The following CNOT1 variants were observed in gnomAD, a reference collection of about 807,000 sequenced individuals.
CNOT1 encodes CCR4-NOT transcription complex subunit 1, also known as CCR4-associated factor 1.
In CNOT1, 15 loss-of-function variants were observed where a neutral mutation model predicts 273.8. That is an observed-to-expected ratio of 0.05 (90% CI 0.04 to 0.08). CNOT1 has a LOEUF of 0.08. CNOT1 is among the 10% of genes least tolerant of loss of function. The probability of loss-of-function intolerance (pLI) is 1.00; values close to 1 mark genes in which losing one functional copy is unlikely to be tolerated. For synonymous variants in CNOT1, 1,022 were observed against 1,005.5 expected, an observed-to-expected ratio of 1.02 and a Z score of -0.31; for missense variants, 1,644 against 2,912.2, an observed-to-expected ratio of 0.56 and a Z score of 10.02.
At position 58,520,609 on chromosome 16, in the gene CNOT1, A is replaced by C. The variant is rs2039337264; in HGVS notation, c.*349T>G. On this transcript the variant is annotated 3_prime_UTR_variant, in exon 49 of 49. Coordinates refer to ENST00000317147, the MANE Select transcript of CNOT1 (RefSeq NM_016284.5). Reference sequence around the variant, plus strand: ...CTATGCCCTCAGACAAGTGCATGGCATCAGCTGCCTCTTCATTACAAGGTA... The same window carrying C: ...CTATGCCCTCAGACAAGTGCATGGCCTCAGCTGCCTCTTCATTACAAGGTA... 3.8e-6 allele frequency: 1 copy of C among 262,880 alleles called. No homozygotes were observed. Among genetic ancestry groups the C allele is most frequent in the Non-Finnish European group, 7.4e-6 (1 of 134,234 alleles). The allele number at this position is 262,880 out of a possible 1,614,324, so 16.3% of individuals were successfully genotyped here. A position where few individuals can be genotyped will look rare whatever the true frequency, so the allele number is the denominator to read the frequency against.
chr16:58,577,953 A>G (rs2041518413), intron 13 of CNOT1, among the ~76,000 whole-genome samples: 2 of 152,214 alleles, frequency 1.3e-5, no homozygotes, highest in Admixed American at 6.5e-5. Flanking sequence ...GGGGCTTGAA[A>G]GGCATTTCAG....
At chr16:58,583,244 CTGGCATTAAATGA>C in intron 8 of CNOT1, 62 bp from the exon 9 acceptor site, 2 of 1,591,250 alleles carry the variant, frequency 1.3e-6, no homozygotes, top group Non-Finnish European at 1.7e-6. Flanking sequence ...TTGAGAAATT[CTGGCATTAAATGA>C]ACCTTGTTTG....
At chr16:58,566,383 A>T (rs2041043449) in intron 16 of CNOT1, among the ~76,000 whole-genome samples, 2 of 152,240 alleles carry the variant, frequency 1.3e-5, no homozygotes, top group Non-Finnish European at 2.9e-5. Flanking sequence ...AAATTTTTCA[A>T]CAAGTACTGC....
chr16:58,601,754 A>AAAAAAAAAAAAAC (rs60651934), intron 1 of CNOT1, among the ~76,000 whole-genome samples: 2 of 132,978 alleles, frequency 1.5e-5, no homozygotes, highest in Non-Finnish European at 3.2e-5. Context: ...AAAAAAAAAA[A>AAAAAAAAAAAAAC]GCCTGTGCAC....
intron 8 of CNOT1, among the ~76,000 whole-genome samples, chr16:58,584,038 C>T (rs2041750625): frequency 6.6e-6 from 1 of 151,018 alleles, no homozygotes; most frequent in African/African-American, 2.4e-5. Context: ...CATGGTGGCG[C>T]TCACCTGTAG....
At chr16:58,581,236 A>G (rs1453784495) in intron 11 of CNOT1, 109 bp downstream of exon 11, 5 of 1,300,102 alleles carry the variant, frequency 3.8e-6, no homozygotes, top group Middle Eastern at 1.9e-4. Context: ...TGTGCTATGT[A>G]TAACAAATTC....
intron 8 of CNOT1, among the ~76,000 whole-genome samples, chr16:58,583,517 G>C (rs2151977384): frequency 6.6e-6 from 1 of 152,306 alleles, no homozygotes; most frequent in Non-Finnish European, 1.5e-5. Context: ...GCCATGGACT[G>C]TTATCAGTCT....
At chr16:58,603,406 AAAGTGTGT>A (rs1298784473) in intron 1 of CNOT1, among the ~76,000 whole-genome samples, 8 of 86,180 alleles carry the variant, frequency 9.3e-5, no homozygotes, top group Middle Eastern at 6.2e-3. Context: ...CTACAATTTA[AAAGTGTGT>A]GTGTGTGTGT....
intron 16 of CNOT1, among the ~76,000 whole-genome samples, chr16:58,568,203 T>A (rs1352291453): frequency 6.6e-6 from 1 of 151,912 alleles, no homozygotes; most frequent in Non-Finnish European, 1.5e-5. Context: ...CTGTCTCTAC[T>A]AAAGAAAATA....
At chr16:58,553,934 T>C in intron 21 of CNOT1, 74 bp from the exon 22 acceptor site, 1 of 1,484,854 alleles carries the variant, frequency 6.7e-7, no homozygotes, top group African/African-American at 1.4e-5. Flanking sequence ...TTTGTCCAAA[T>C]GCTAATCTAG....
At chr16:58,610,752 AGAAT>A (rs2042867654) in intron 1 of CNOT1, among the ~76,000 whole-genome samples, 1 of 151,730 alleles carries the variant, frequency 6.6e-6, no homozygotes, top group African/African-American at 2.4e-5. Context: ...CTGAGGCAGG[AGAAT>A]GGCGTGAACC....
At chr16:58,569,499 T>C (rs995239152) in intron 16 of CNOT1, among the ~76,000 whole-genome samples, 2 of 151,388 alleles carry the variant, frequency 1.3e-5, no homozygotes, top group African/African-American at 4.9e-5. Context: ...TCAAAAAGCA[T>C]GTCCATAGAA....
At chr16:58,600,368 AGTAAGACAACTT>A (rs1171443139) in intron 1 of CNOT1, among the ~76,000 whole-genome samples, 25 of 152,224 alleles carry the variant, frequency 1.6e-4, no homozygotes, top group Admixed American at 6.5e-5. Flanking sequence ...GTTTCATTTT[AGTAAGACAACTT>A]GTAACACTTA....
intron 16 of CNOT1, among the ~76,000 whole-genome samples, chr16:58,569,515 CA>C (rs35866624): frequency 1.1e-4 from 16 of 141,170 alleles, no homozygotes; most frequent in Admixed American, 2.1e-4. Flanking sequence ...TAGAAATTAG[CA>C]AAAAAAAAAA....
intron 1 of CNOT1, among the ~76,000 whole-genome samples, chr16:58,621,042 C>CA (rs1473534108): frequency 6.6e-6 from 1 of 151,038 alleles, no homozygotes; most frequent in Non-Finnish European, 1.5e-5. Flanking sequence ...TTTTTTGAGA[C>CA]AGAGTCTGTC....
intron 40 of CNOT1, among the ~76,000 whole-genome samples, chr16:58,533,572 C>T (rs1463957105): frequency 6.6e-6 from 1 of 152,010 alleles, no homozygotes; most frequent in Non-Finnish European, 1.5e-5. Flanking sequence ...GGAGGCGGAG[C>T]TTGCAGGAGC....
chr16:58,619,355 C>CAAATTTATTATTATTACACT lies in CNOT1; in HGVS notation c.-175+10353_-175+10372dup, dbSNP rs557945995. ...TCTTTAGGCAGTCTCAGCAGAACTG[C>CAAATTTATTATTATTACACT]AAATTTATTATTATTACACTGACCA... On this transcript the variant is annotated intron_variant, in intron 1 of 48. Transcript: ENST00000317147. 2.7e-3 allele frequency among the ~76,000 whole-genome samples: 408 copies of CAAATTTATTATTATTACACT among 152,130 alleles called. 1 individual carries two copies. The highest frequency in any genetic ancestry group is 9.3e-3 in the African/African-American group (385 of 41,532).
chr16:58,535,540 G>A (rs530475136), intron 39 of CNOT1, among the ~76,000 whole-genome samples: 17 of 152,262 alleles, frequency 1.1e-4, no homozygotes, highest in African/African-American at 4.1e-4. Context: ...CCATACCCAC[G>A]AAATAGCAAT....
Position 58,597,154 on chromosome 16 carries a change from A to G in CNOT1, c.102+2082T>C, listed in dbSNP as rs553402911. 5.3e-5 allele frequency among the ~76,000 whole-genome samples: 8 copies of G among 151,646 alleles called. No homozygotes were observed. The South Asian group carries it at 1.5e-3, about 28-fold the overall frequency. ...AATAGCTTTGAAGGACAATTTCTAG[A>G]AAGTAGAAAGATCAGCCAGGCGTGA... On this transcript the variant is annotated intron_variant, in intron 2 of 48. Coordinates refer to ENST00000317147, the MANE Select transcript of CNOT1 (RefSeq NM_016284.5).
Sources: allele counts gnomAD v4.1 joint callset (sites outside exome capture counted in the v4.1 genomes callset), GRCh38; gene constraint gnomAD v4.1.1; transcripts MANE v1.5; gene names NCBI Gene and HGNC (gene_info 2026-07-23, HGNC 2026-07-21).